RALGDS: variants seen among roughly 807,000 people sequenced by gnomAD.
RALGDS encodes ral guanine nucleotide exchange factor.
Under a neutral mutation model 99.8 loss-of-function variants are expected in RALGDS, and 44 were observed. The ratio of observed to expected loss-of-function variants is 0.44; its 90% CI spans 0.35 to 0.57. The LOEUF (loss-of-function observed/expected upper bound fraction) is 0.57. Ranked by LOEUF, RALGDS falls within the 20% of genes least tolerant of loss-of-function variation. The probability of loss-of-function intolerance (pLI) is 0.01; values close to 1 mark genes in which losing one functional copy is unlikely to be tolerated. For missense variants in RALGDS, 1,022 were observed against 1,203.1 expected, an observed-to-expected ratio of 0.85 and a Z score of 2.23; for synonymous variants, 529 against 505.0, an observed-to-expected ratio of 1.05 and a Z score of -0.64.
chr9:133,099,890 G>T (rs1830674668), intron 17 of RALGDS: 5 of 306,802 alleles, frequency 1.6e-5, no homozygotes, highest in South Asian at 1.3e-4. Context: ...CACACTCATG[G>T]ATTTTAACAC....
rs1442279113 is a variant in RALGDS, at chr9:133,144,692, C to A, written c.18+4271G>T. 6.6e-6 allele frequency among the ~76,000 whole-genome samples: 1 copy of A among 152,230 alleles called. No homozygotes were observed. The highest frequency in any genetic ancestry group is 1.5e-5 in the Non-Finnish European group (1 of 68,038). ...CCCCTGGCTGGGGGCTGGGTTCCTG[C>A]GATGTCTTCCGACTCCCCGCTGCTC... On this transcript the variant is annotated intron_variant, in intron 1 of 17. Coordinates refer to the RALGDS transcript ENST00000393160. This position sits in a 1 kb window ranked among gnomAD's most constrained non-coding sequence, Gnocchi z 4.5.
chr9:133,101,034 G>T, intron 16 of RALGDS: 1 of 1,063,740 alleles, frequency 9.4e-7, no homozygotes, highest in South Asian at 3.1e-5. Flanking sequence ...AACCCATTCT[G>T]TGAGCAATTC....
At chr9:133,106,334 T>G (rs1440921713) in intron 8 of RALGDS, among the ~76,000 whole-genome samples, 1 of 152,158 alleles carries the variant, frequency 6.6e-6, no homozygotes. Flanking sequence ...GTCCAAGAAA[T>G]TCTCCTGCCT....
Position 133,102,954 on chromosome 9 carries a change from G to T in RALGDS, c.1792-54C>A. ...GACAAGGCCCCCCGGGCAGCACAGG[G>T]GCCAGTCTCTGGGTCTTTGTTCTTG... On this transcript the variant is annotated intron_variant, in intron 12 of 17. Transcript: ENST00000372050. 3 of 1,606,546 alleles carry T rather than the reference G, an allele frequency of 1.9e-6. No homozygotes were observed. In the Admixed American group the frequency reaches 5.1e-5, roughly 27 times the overall value.
intron 1 of RALGDS, among the ~76,000 whole-genome samples, chr9:133,115,295 A>C (rs1831544048): frequency 6.6e-6 from 1 of 152,204 alleles, no homozygotes; most frequent in South Asian, 2.1e-4. Flanking sequence ...GCCCCTCCCA[A>C]GGAGACCTGG....
chr9:133,107,380 G>A, intron 6 of RALGDS, 80 bp from the exon 7 acceptor site: 1 of 1,262,006 alleles, frequency 7.9e-7, no homozygotes, highest in East Asian at 2.5e-5. Flanking sequence ...TGCAGCTTGA[G>A]CCTTGTGGGG....
At chr9:133,104,715 G>T (rs1267154185) in intron 9 of RALGDS, 1 of 228,274 alleles carries the variant, frequency 4.4e-6, no homozygotes, top group South Asian at 5.5e-5. Context: ...GGGAAGCTGA[G>T]GCAGGAGAAT....
chr9:133,130,868 G>C (rs942663382), intron 1 of RALGDS: 1 of 1,328,362 alleles, frequency 7.5e-7, no homozygotes, highest in African/African-American at 1.5e-5. Context: ...CTGACCTGGG[G>C]GCCAGAACAC....
chr9:133,116,300 C>T (rs986268166), intron 1 of RALGDS, among the ~76,000 whole-genome samples: 1 of 152,264 alleles, frequency 6.6e-6, no homozygotes, highest in Non-Finnish European at 1.5e-5. Flanking sequence ...CCCACAGAGG[C>T]GGCCTCAGAC....
rs920958099 is a variant in RALGDS at position 133,099,061 on chromosome 9, C to T, written c.2570-299G>A. On this transcript the variant is annotated intron_variant, in intron 17 of 17. Coordinates refer to ENST00000372050, the MANE Select transcript of RALGDS (RefSeq NM_006266.4). ...TGCCCATACTGCAGTGCTGGCTGCC[C>T]ACCTGGAACAGGCTTTCTAGAATCC... is the stretch of plus-strand genomic sequence containing the variant. The T allele has an allele frequency of 4.5e-5, 18 of 398,668 alleles. 1 individual carries two copies. Among genetic ancestry groups the T allele is most frequent in the South Asian group, 2.2e-4 (9 of 40,788 alleles). 24.7% of individuals were successfully genotyped at this position (398,668 alleles called of 1,614,324 possible).
chr9:133,130,975 G>A (rs1338029925), exon 1 of RALGDS: 2 of 1,535,470 alleles, frequency 1.3e-6, no homozygotes, highest in Non-Finnish European at 1.7e-6. Context: ...TGGCCGGGTG[G>A]ATGCCCAGTC....
chr9:133,104,681 G>A (rs1410705267), intron 9 of RALGDS: 3 of 296,134 alleles, frequency 1.0e-5, no homozygotes, highest in Admixed American at 4.5e-5. Flanking sequence ...GGTTGGTGGT[G>A]CACACCTATA....
chr9:133,120,987 G>A lies in RALGDS; in HGVS notation c.168C>T (p.Asp56=). The part of the protein sequence containing the change: ...VLHSFTQLDP[D]LPRPESSTQE... Reference sequence around the variant, plus strand: ...GCTCACCCACCTCCGGGCGCGGCAGGTCGGGGTCTAGCTGCGTGAAGCTGT... The same window carrying A: ...GCTCACCCACCTCCGGGCGCGGCAGATCGGGGTCTAGCTGCGTGAAGCTGT... Residue 56 remains aspartate, a synonymous_variant, in exon 1 of 18, where the codon GAC becomes GAT. Transcript: ENST00000372050. 6.7e-7 allele frequency: 1 copy of A among 1,486,986 alleles called. No individual in the cohort carries two copies. Among genetic ancestry groups the A allele is most frequent in the South Asian group, 1.3e-5 (1 of 79,336 alleles). 92.1% of individuals were successfully genotyped at this position (1,486,986 alleles called of 1,614,324 possible).
chr9:133,101,816 GC>G (rs1474273647), intron 15 of RALGDS, 54 bp from the exon 16 acceptor site: 1 of 1,558,842 alleles, frequency 6.4e-7, no homozygotes, highest in South Asian at 1.2e-5. Context: ...GGCACCCCAG[GC>G]CAGCTGCCAG....
chr9:133,106,830 C>G (rs1831085961), intron 7 of RALGDS, 82 bp from the exon 8 acceptor site: 6 of 1,135,522 alleles, frequency 5.3e-6, no homozygotes, highest in South Asian at 1.3e-5. Context: ...GCCAAGCCTC[C>G]CCTCCTAATG....
chr9:133,108,582 C>G (rs1831188412), intron 5 of RALGDS, 91 bp downstream of exon 5: 2 of 1,523,816 alleles, frequency 1.3e-6, no homozygotes, highest in Non-Finnish European at 1.8e-6. Context: ...GGGCCCCTGA[C>G]CCAGCACCAG....
intron 1 of RALGDS, among the ~76,000 whole-genome samples, chr9:133,126,384 ATG>A (rs1204464788): frequency 2.6e-5 from 4 of 152,194 alleles, no homozygotes; most frequent in Non-Finnish European, 5.9e-5. Flanking sequence ...CCACCCACAC[ATG>A]TGTTTTGTTT....
In RALGDS at chr9:133,100,399, G is replaced by GA; in HGVS notation, c.2455-18dup. 1 of 1,613,602 alleles carries GA rather than the reference G, an allele frequency of 6.2e-7. No homozygotes were observed. Among genetic ancestry groups the GA allele is most frequent in the Non-Finnish European group, 8.5e-7 (1 of 1,179,572 alleles). Reference sequence around the variant, plus strand: ...GCTGGTCACCTGCATCGCGGCGGGGGATGGACCATCAGGGAAAAGACCCTG... The same window carrying GA: ...GCTGGTCACCTGCATCGCGGCGGGGGAATGGACCATCAGGGAAAAGACCCTG... On this transcript the variant is annotated splice_polypyrimidine_tract_variant and intron_variant, in intron 16 of 17. Coordinates refer to ENST00000372050, the MANE Select transcript of RALGDS (RefSeq NM_006266.4).
chr9:133,125,650 C>T (rs201555665), upstream of RALGDS, among the ~76,000 whole-genome samples: 17 of 152,048 alleles, frequency 1.1e-4, no homozygotes, highest in African/African-American at 3.9e-4. Context: ...GCAGGAGAAT[C>T]GCTTGAACCT....
Sources: allele counts gnomAD v4.1 joint callset (sites outside exome capture counted in the v4.1 genomes callset), GRCh38; gene constraint gnomAD v4.1.1; non-coding constraint Gnocchi (gnomAD v3.1); transcripts MANE v1.5; gene names NCBI Gene and HGNC (gene_info 2026-07-23, HGNC 2026-07-21).